Variants in LIMS1 observed in about 807,000 individuals in gnomAD.
The protein encoded by LIMS1 is LIM and senescent cell antigen-like-containing domain protein 1.
In LIMS1, 18 loss-of-function variants were observed where a neutral mutation model predicts 44.1. That is an observed-to-expected ratio of 0.41 (90% confidence interval 0.28 to 0.61). LIMS1 has a LOEUF of 0.61. LIMS1 is among the 20% of genes least tolerant of loss of function. The probability of loss-of-function intolerance (pLI) is 0.32; values close to 1 mark genes in which losing one functional copy is unlikely to be tolerated. For synonymous variants in LIMS1, 93 were observed against 149.1 expected (o/e 0.62, Z 2.74); for missense variants, 201 against 422.0 (o/e 0.48, Z 4.59).
intron 1 of LIMS1, among the ~76,000 whole-genome samples, chr2:108,612,780 G>A (rs1275894990): frequency 6.6e-6 from 1 of 152,066 alleles, no homozygotes; most frequent in Non-Finnish European, 1.5e-5. Flanking sequence ...AGAAGGTGTG[G>A]GCTGGCTGAG....
At chr2:108,668,524 G>A (rs906540662) in intron 2 of LIMS1, among the ~76,000 whole-genome samples, 10 of 152,204 alleles carry the variant, frequency 6.6e-5, no homozygotes, top group Non-Finnish European at 1.3e-4. Flanking sequence ...CATCCATGTC[G>A]CCACAGATGA....
At chr2:108,640,466 G>C (rs1027281514) in intron 1 of LIMS1, among the ~76,000 whole-genome samples, 5 of 152,202 alleles carry the variant, frequency 3.3e-5, no homozygotes, top group Non-Finnish European at 5.9e-5. Flanking sequence ...GCCACACAGT[G>C]CTTTCAGACC....
At chr2:108,654,166 G>C (rs1690691411) in intron 1 of LIMS1, among the ~76,000 whole-genome samples, 1 of 151,788 alleles carries the variant, frequency 6.6e-6, no homozygotes, top group Non-Finnish European at 1.5e-5. Context: ...GTAGTTTCCA[G>C]CTTGACTTTT....
At chr2:108,627,636 A>G (rs1219828724) in intron 1 of LIMS1, among the ~76,000 whole-genome samples, 3 of 152,202 alleles carry the variant, frequency 2.0e-5, no homozygotes, top group African/African-American at 7.2e-5. Flanking sequence ...CAGAAAAGAT[A>G]GTTGTCCAAA....
chr2:108,626,527 C>G (rs1688585986), intron 1 of LIMS1, among the ~76,000 whole-genome samples: 1 of 152,250 alleles, frequency 6.6e-6, no homozygotes, highest in African/African-American at 2.4e-5. Context: ...TTCACCCACT[C>G]TCACCTCCCA....
At chr2:108,540,268 G>A (rs56387115) in intron 1 of LIMS1, among the ~76,000 whole-genome samples, 56,150 of 145,658 alleles carry the variant, frequency 0.39, 12,252 homozygotes, top group East Asian at 0.89. Flanking sequence ...GCATGATCTC[G>A]GCTCACTGCA....
In LIMS1 at chr2:108,643,354, G is replaced by A. The variant is rs560213689; in HGVS notation, c.33-16251G>A. On this transcript the variant is annotated intron_variant, in intron 1 of 9. Transcript: ENST00000544547. ...GGGTGCAGCCCAAGGAGGATGAGCC[G>A]AAGCAGGGTGGGGCGTTGCCTCACC... 7.2e-5 allele frequency among the ~76,000 whole-genome samples: 11 copies of A among 152,310 alleles called. No individual in the cohort carries two copies. In the East Asian group the frequency reaches 7.7e-4, roughly 11 times the overall value.
At chr2:108,652,598 C>T (rs1385429933) in intron 1 of LIMS1, among the ~76,000 whole-genome samples, 1 of 152,214 alleles carries the variant, frequency 6.6e-6, no homozygotes, top group East Asian at 1.9e-4. Flanking sequence ...TGGAATAGTC[C>T]TGTAACTTGA....
intron 1 of LIMS1, among the ~76,000 whole-genome samples, chr2:108,571,657 G>C (rs535322273): frequency 2.0e-5 from 3 of 152,316 alleles, no homozygotes; most frequent in Non-Finnish European, 4.4e-5. Context: ...TAGTACAAAA[G>C]CTTACTAATG....
At chr2:108,583,323 G>A (rs534748801) in intron 1 of LIMS1, among the ~76,000 whole-genome samples, 4 of 152,002 alleles carry the variant, frequency 2.6e-5, no homozygotes, top group South Asian at 2.1e-4. Context: ...GACCACAGGC[G>A]TAAATCACCA....
intron 1 of LIMS1, among the ~76,000 whole-genome samples, chr2:108,544,886 T>G (rs1684434647): frequency 6.6e-6 from 1 of 152,204 alleles, no homozygotes. Context: ...ATAGAGATTT[T>G]AATATGTATC....
chr2:108,554,130 TG>T (rs1230568217), intron 1 of LIMS1, among the ~76,000 whole-genome samples: 2 of 152,188 alleles, frequency 1.3e-5, no homozygotes, highest in East Asian at 3.8e-4. Context: ...ATCCATTCAA[TG>T]TTGGGGAACA....
At chr2:108,680,409 C>T (rs1229183282) in intron 8 of LIMS1, among the ~76,000 whole-genome samples, 1 of 125,624 alleles carries the variant, frequency 8.0e-6, no homozygotes, top group Non-Finnish European at 1.8e-5. Flanking sequence ...TAGTGGCATG[C>T]ACCTGTAGTC....
intron 1 of LIMS1, among the ~76,000 whole-genome samples, chr2:108,585,537 C>T (rs1017050471): frequency 6.6e-6 from 1 of 152,028 alleles, no homozygotes; most frequent in Non-Finnish European, 1.5e-5. Context: ...TAAGAAGGTC[C>T]AGCCAGTGCC....
At chr2:108,638,019 A>C (rs965794852) in intron 1 of LIMS1, among the ~76,000 whole-genome samples, 1 of 151,880 alleles carries the variant, frequency 6.6e-6, no homozygotes, top group Non-Finnish European at 1.5e-5. Flanking sequence ...TGCCCGGCTA[A>C]TTTTTCTATA....
chr2:108,632,320 G>A (rs1350981322), intron 1 of LIMS1, among the ~76,000 whole-genome samples: 1 of 152,194 alleles, frequency 6.6e-6, no homozygotes, highest in African/African-American at 2.4e-5. Context: ...TTGAAAAGCA[G>A]AAAGTTAATT....
chr2:108,681,308 A>G, intron 9 of LIMS1: 2 of 985,142 alleles, frequency 2.0e-6, no homozygotes, highest in Non-Finnish European at 2.4e-6. Flanking sequence ...TAACTGCTAA[A>G]ATTACAAAAA....
chr2:108,624,522 C>T (rs1573479257), intron 1 of LIMS1, among the ~76,000 whole-genome samples: 1 of 152,058 alleles, frequency 6.6e-6, no homozygotes, highest in Non-Finnish European at 1.5e-5. Flanking sequence ...TTTGGGAGGC[C>T]GAGGCAGGCG....
At chr2:108,584,131 G>A (rs1573372914) in intron 1 of LIMS1, among the ~76,000 whole-genome samples, 1 of 152,244 alleles carries the variant, frequency 6.6e-6, no homozygotes, top group East Asian at 1.9e-4. Context: ...ATCTGCTGGA[G>A]AGAAGCAAAC....
Sources: gnomAD v4.1 joint callset for allele counts (sites outside exome capture counted in the v4.1 genomes callset) on GRCh38, gnomAD v4.1.1 for gene constraint, MANE v1.5 for transcripts, NCBI Gene and HGNC (gene_info 2026-07-23, HGNC 2026-07-21) for gene names.